SDHA: variants seen among roughly 807,000 people sequenced by gnomAD.
SDHA encodes the protein succinate dehydrogenase complex flavoprotein subunit A.
Under a neutral mutation model 78.4 loss-of-function variants are expected in SDHA, and 48 were observed. The ratio of observed to expected loss-of-function variants is 0.61; its 90% confidence interval spans 0.49 to 0.78. SDHA has a LOEUF of 0.78. SDHA is among the 30% of genes least tolerant of loss of function. The probability of loss-of-function intolerance (pLI) is 0.00; values close to 1 mark genes in which losing one functional copy is unlikely to be tolerated. For synonymous variants in SDHA, 326 were observed against 353.9 expected, an observed-to-expected ratio of 0.92 and a Z score of 0.88; for missense variants, 680 against 892.7, an observed-to-expected ratio of 0.76 and a Z score of 3.04.
chr5:240,670 T>G (rs1472605567), intron 11 of SDHA, among the ~76,000 whole-genome samples, 194 bp downstream of exon 11: 1 of 152,134 alleles, frequency 6.6e-6, no homozygotes, highest in Non-Finnish European at 1.5e-5. Flanking sequence ...AGGTAATTGT[T>G]CAACCCCACC....
At chr5:253,214 C>T (rs11746994) in intron 13 of SDHA, 63 of 152,234 alleles carry the variant, frequency 4.1e-4, no homozygotes, top group African/African-American at 1.5e-3. Flanking sequence ...GGTTCAGGAC[C>T]GTGTGTAGGC....
At chr5:250,594 T>A (rs1736749615) in intron 11 of SDHA, 1 of 342,800 alleles carries the variant, frequency 2.9e-6, no homozygotes, top group Admixed American at 4.1e-5. Flanking sequence ...ACCACAGGGC[T>A]GCTGGCTTGT....
chr5:244,053 C>CT (rs1415786960), intron 11 of SDHA, among the ~76,000 whole-genome samples: 2 of 152,122 alleles, frequency 1.3e-5, no homozygotes, highest in African/African-American at 4.8e-5. Flanking sequence ...CAGTGTCACT[C>CT]TAAGTTTGAT....
chr5:247,093 G>GAGCCTCCCATCTC, intron 11 of SDHA, among the ~76,000 whole-genome samples: 1 of 151,936 alleles, frequency 6.6e-6, no homozygotes, highest in South Asian at 2.2e-4. Context: ...TCTAGTAATG[G>GAGCCTCCCATCTC]TAAAGCTTCT....
chr5:262,605 G>A, the SDHA span, among the ~76,000 whole-genome samples: 1 of 152,190 alleles, frequency 6.6e-6, no homozygotes, highest in Non-Finnish European at 1.5e-5. Flanking sequence ...CCCCACACTT[G>A]TCCGTGGAAA....
At chr5:253,094 C>T (rs936341) in intron 13 of SDHA, 2 of 152,158 alleles carry the variant, frequency 1.3e-5, no homozygotes. Context: ...AGAGTTTTTC[C>T]CATATGATAG....
intron 1 of SDHA, among the ~76,000 whole-genome samples, chr5:221,667 C>T (rs1234113300): frequency 1.3e-5 from 2 of 151,832 alleles, no homozygotes; most frequent in Non-Finnish European, 2.9e-5. Flanking sequence ...GATAGTTTCT[C>T]CTAAAAAAAT....
At chr5:221,036 A>G (rs528613162) in intron 1 of SDHA, among the ~76,000 whole-genome samples, 1 of 152,186 alleles carries the variant, frequency 6.6e-6, no homozygotes, top group East Asian at 1.9e-4. Context: ...AATGGTCTCC[A>G]TCTCCTGACC....
At chr5:233,076 C>T (rs1163400049) in intron 7 of SDHA, among the ~76,000 whole-genome samples, 1 of 152,212 alleles carries the variant, frequency 6.6e-6, no homozygotes, top group Non-Finnish European at 1.5e-5. Context: ...GTCCTTGTCA[C>T]TGTTTGGATA....
chr5:257,224 C>T (rs561042472), downstream of SDHA, among the ~76,000 whole-genome samples: 31 of 152,294 alleles, frequency 2.0e-4, no homozygotes, highest in African/African-American at 6.7e-4. Flanking sequence ...AATCAGGGGT[C>T]CCCAATCCCC....
chr5:222,340 T>TTTTC (rs753245702), intron 1 of SDHA, among the ~76,000 whole-genome samples: 6 of 146,626 alleles, frequency 4.1e-5, no homozygotes, highest in Non-Finnish European at 7.4e-5. Context: ...CTAAAGCTTT[T>TTTTC]TTTTCTTTTC....
Position 225,314 on chromosome 5 carries a change from T to C in SDHA, c.313-105T>C, listed in dbSNP as rs1734943003. 10 of 1,449,658 alleles carry C rather than the reference T, an allele frequency of 6.9e-6. No homozygotes were observed. The South Asian group carries it at 8.0e-5, about 12-fold the overall frequency. The allele number at this position is 1,449,658 out of a possible 1,614,324, so 89.8% of individuals were successfully genotyped here. On this transcript the variant is annotated intron_variant, in intron 3 of 14. Transcript: ENST00000264932. The stretch of plus-strand genomic sequence containing the variant: ...TCAGCCCTCACTGGGAGTCACTGTG[T>C]GAGTAGTTGGCTTTCTCTGAATCCC...
At chr5:244,515 G>A (rs62344292) in intron 11 of SDHA, among the ~76,000 whole-genome samples, 36,413 of 151,668 alleles carry the variant, frequency 0.24, 6,782 homozygotes, top group African/African-American at 0.52. Context: ...TGGAAGCACA[G>A]ATAAACAAGG....
rs1404377989 is a variant in SDHA, at chr5:235,304, A to C, written c.1225A>C (p.Asn409His). The C allele has an allele frequency of 5.0e-6, 8 of 1,614,066 alleles. No individual in the cohort carries two copies. The highest frequency in any genetic ancestry group is 6.8e-6 in the Non-Finnish European group (8 of 1,180,022). ...PIPVLPTVHY[N>H]MGGIPTNYKG... ...CCCTGTCCTCCCCACCGTGCATTAT[A>C]ACATGGGCGGCATTCCCACCAACTA... Residue 409 changes from asparagine to histidine, a missense_variant, in exon 9 of 15, where the codon AAC (asparagine) becomes CAC (histidine). By Grantham distance (68) the Asn-to-His change is moderately conservative. Transcript: ENST00000264932.
intron 8 of SDHA, 24 bp from the exon 9 acceptor site, chr5:235,120 T>G (rs983749071): frequency 6.2e-7 from 1 of 1,611,738 alleles, no homozygotes; most frequent in Non-Finnish European, 8.5e-7. Context: ...CTCTGCCGTA[T>G]GTGATGGTGT....
intron 6 of SDHA, among the ~76,000 whole-genome samples, chr5:229,866 G>T (rs981867791): frequency 2.4e-5 from 3 of 124,692 alleles, no homozygotes; most frequent in Admixed American, 1.5e-4. Flanking sequence ...ACATTATACA[G>T]CATGGTGGCC....
chr5:267,818 G>A, the SDHA span, among the ~76,000 whole-genome samples: 828 of 152,312 alleles, frequency 5.4e-3, 5 homozygotes, highest in African/African-American at 0.019. Flanking sequence ...AGGAGATAGT[G>A]GTGCCTTGAT....
At chr5:248,955 G>A in intron 11 of SDHA, 1 of 409,886 alleles carries the variant, frequency 2.4e-6, no homozygotes, top group Non-Finnish European at 4.7e-6. Context: ...ATAAGGATTT[G>A]TGGAAACTGT....
chr5:247,840 C>T (rs1480434791), intron 11 of SDHA, among the ~76,000 whole-genome samples: 1 of 152,234 alleles, frequency 6.6e-6, no homozygotes, highest in African/African-American at 2.4e-5. Flanking sequence ...ACATTTTTCT[C>T]TATACGGAAT....
Sources: gnomAD v4.1 joint callset for allele counts (sites outside exome capture counted in the v4.1 genomes callset) on GRCh38, gnomAD v4.1.1 for gene constraint, MANE v1.5 for transcripts, NCBI Gene and HGNC (gene_info 2026-07-23, HGNC 2026-07-21) for gene names.